Variants in ADGRL3 observed in about 807,000 individuals in gnomAD.
ADGRL3 encodes calcium-independent alpha-latrotoxin receptor 3.
ADGRL3 carries 62 observed loss-of-function variants against 153.5 expected under a neutral mutation model. The observed-to-expected ratio is 0.40, with a 90% CI of 0.33 to 0.50. The LOEUF (loss-of-function observed/expected upper bound fraction) is 0.50. Among genes scored for constraint, ADGRL3 ranks in the 20% least tolerant of loss-of-function variants. The probability of loss-of-function intolerance (pLI) is 0.47; values close to 1 mark genes in which losing one functional copy is unlikely to be tolerated. For synonymous variants in ADGRL3, 710 were observed against 672.5 expected, an observed-to-expected ratio of 1.06 and a Z score of -0.86; for missense variants, 1,641 against 1,859.4, an observed-to-expected ratio of 0.88 and a Z score of 2.16.
chr4:61,775,704 A>C, intron 8 of ADGRL3: 2 of 1,352,784 alleles, frequency 1.5e-6, no homozygotes, highest in African/African-American at 1.4e-5. Context: ...CAAGCACACA[A>C]AGGTGGGCTT....
rs142499065 is a variant in ADGRL3 at position 61,635,732 on chromosome 4, A to G, written c.474-41094A>G. 1.4e-3 allele frequency among the ~76,000 whole-genome samples: 206 copies of G among 152,120 alleles called. 3 individuals are homozygous for G. Among genetic ancestry groups the G allele is most frequent in the African/African-American group, 4.8e-3 (200 of 41,542 alleles). On this transcript the variant is annotated intron_variant, in intron 5 of 26. Coordinates refer to ENST00000683033, the MANE Select transcript of ADGRL3 (RefSeq NM_001387552.1). Reference sequence around the variant, plus strand: ...GCTTAAATAAAAATTTTTTCTTATGATTTTGGAGGCTGGAAGTCCAAGATC... The same window carrying G: ...GCTTAAATAAAAATTTTTTCTTATGGTTTTGGAGGCTGGAAGTCCAAGATC...
intron 1 of ADGRL3, among the ~76,000 whole-genome samples, chr4:61,271,093 A>G (rs1308814484): frequency 1.3e-5 from 2 of 151,850 alleles, no homozygotes; most frequent in Non-Finnish European, 2.9e-5. Flanking sequence ...AAATCTAGCT[A>G]TGAAGTGGCA....
chr4:61,363,300 C>A (rs1167544252), intron 1 of ADGRL3, among the ~76,000 whole-genome samples: 3 of 151,858 alleles, frequency 2.0e-5, no homozygotes, highest in Admixed American at 6.6e-5. Flanking sequence ...TTACAGTCTT[C>A]CTTTCTAAAG....
At chr4:61,854,016 A>G (rs17090554) in intron 9 of ADGRL3, among the ~76,000 whole-genome samples, 2,937 of 152,280 alleles carry the variant, frequency 0.019, 91 homozygotes, top group African/African-American at 0.066. Context: ...TCATTTGCAG[A>G]TATGGTTTAG....
At chr4:61,570,499 C>T (rs1291691481) in intron 4 of ADGRL3, among the ~76,000 whole-genome samples, 2 of 152,086 alleles carry the variant, frequency 1.3e-5, no homozygotes, top group Non-Finnish European at 2.9e-5. Flanking sequence ...GCATATTATT[C>T]TTCCTAATGT....
At chr4:61,921,512 G>A (rs570679274) in intron 13 of ADGRL3, among the ~76,000 whole-genome samples, 80 of 152,192 alleles carry the variant, frequency 5.3e-4, no homozygotes, top group African/African-American at 1.9e-3. Flanking sequence ...TCTGCCTCCC[G>A]GGTTCAAGCG....
chr4:61,716,189 T>C (rs1422688239), intron 6 of ADGRL3, among the ~76,000 whole-genome samples: 2 of 152,112 alleles, frequency 1.3e-5, no homozygotes, highest in Non-Finnish European at 2.9e-5. Context: ...ACTTTAGCTG[T>C]ACTTCCTTCT....
Position 62,070,886 on chromosome 4 carries a change from C to T in ADGRL3, c.4610C>T (p.Ala1537Val), listed in dbSNP as rs1745456605. Residue 1537 changes from alanine to valine, a missense_variant, in exon 27 of 27, where the codon GCT becomes GTT. Ala to Val is a moderately conservative substitution (Grantham distance 64). Transcript: ENST00000683033. Reference sequence around the variant, plus strand: ...CCCGAGGGAAGTTCAAAAGGACCGGCTCATTTGGTCACTAGTCTATAGAAG... The same window carrying T: ...CCCGAGGGAAGTTCAAAAGGACCGGTTCATTTGGTCACTAGTCTATAGAAG... ...TPPEGSSKGP[A>V]HLVTSL 6.5e-7 allele frequency: 1 copy of T among 1,549,814 alleles called. No homozygotes were observed. The highest frequency in any genetic ancestry group is 8.7e-7 in the Non-Finnish European group (1 of 1,145,982).
At chr4:61,508,269 T>C (rs2152856871) in intron 3 of ADGRL3, among the ~76,000 whole-genome samples, 1 of 152,312 alleles carries the variant, frequency 6.6e-6, no homozygotes, top group Non-Finnish European at 1.5e-5. Context: ...CCTTTATTGA[T>C]AGAATATATA....
intron 1 of ADGRL3, among the ~76,000 whole-genome samples, chr4:61,281,690 C>T (rs79920754): frequency 3.2e-4 from 48 of 152,102 alleles, no homozygotes; most frequent in East Asian, 1.7e-3. Context: ...AGTAGAATTT[C>T]GTTATTAGAT....
chr4:61,483,525 G>A (rs1367800319), intron 2 of ADGRL3, among the ~76,000 whole-genome samples: 1 of 152,050 alleles, frequency 6.6e-6, no homozygotes, highest in East Asian at 1.9e-4. Context: ...ATCACCTGAA[G>A]TCGGGAGTTC....
chr4:61,752,463 A>T (rs2096768973), intron 8 of ADGRL3, among the ~76,000 whole-genome samples: 1 of 151,896 alleles, frequency 6.6e-6, no homozygotes, highest in Admixed American at 6.6e-5. Flanking sequence ...GACTGGAGAA[A>T]TGTTGGCAAG....
chr4:61,359,101 A>G (rs1443175687), intron 1 of ADGRL3, among the ~76,000 whole-genome samples: 1 of 152,172 alleles, frequency 6.6e-6, no homozygotes, highest in African/African-American at 2.4e-5. Flanking sequence ...TACATCACAT[A>G]TAGGATCCAT....
chr4:62,041,244 T>C (rs1728109310), intron 24 of ADGRL3, among the ~76,000 whole-genome samples: 1 of 152,050 alleles, frequency 6.6e-6, no homozygotes, highest in Non-Finnish European at 1.5e-5. Flanking sequence ...TCCTCCAAAC[T>C]TACTTCCTGG....
At chr4:62,030,446 A>T (rs1180127194) in intron 22 of ADGRL3, among the ~76,000 whole-genome samples, 3 of 151,574 alleles carry the variant, frequency 2.0e-5, no homozygotes, top group African/African-American at 7.3e-5. Context: ...TCTCCCATAT[A>T]CTTGGGAGTT....
intron 6 of ADGRL3, among the ~76,000 whole-genome samples, chr4:61,729,619 G>T (rs2096405823): frequency 6.6e-6 from 1 of 151,852 alleles, no homozygotes; most frequent in Non-Finnish European, 1.5e-5. Flanking sequence ...TAAAGTTTGT[G>T]TTGTGAACTC....
chr4:61,347,837 T>C (rs2095954471), intron 1 of ADGRL3, among the ~76,000 whole-genome samples: 1 of 152,154 alleles, frequency 6.6e-6, no homozygotes, highest in South Asian at 2.1e-4. Context: ...AAAAGTCAGC[T>C]TGAGATCATT....
At chr4:61,680,713 G>T (rs897855257) in intron 6 of ADGRL3, among the ~76,000 whole-genome samples, 1 of 151,920 alleles carries the variant, frequency 6.6e-6, no homozygotes, top group South Asian at 2.1e-4. Flanking sequence ...CAAATGGTAC[G>T]ACTTTTAAAG....
At chr4:61,465,002 T>C (rs750627677) in intron 2 of ADGRL3, among the ~76,000 whole-genome samples, 6 of 152,152 alleles carry the variant, frequency 3.9e-5, no homozygotes, top group Non-Finnish European at 8.8e-5. Context: ...GAAATGTCCA[T>C]GATAAATTGT....
Sources: allele counts gnomAD v4.1 joint callset (sites outside exome capture counted in the v4.1 genomes callset), GRCh38; gene constraint gnomAD v4.1.1; transcripts MANE v1.5; gene names NCBI Gene and HGNC (gene_info 2026-07-23, HGNC 2026-07-21).